Variants in SUGCT observed in about 807,000 individuals in gnomAD.
SUGCT encodes succinyl-CoA:glutarate-CoA transferase, also known as succinyl-CoA:glutarate CoA-transferase.
SUGCT carries 41 observed loss-of-function variants against 55.0 expected under a neutral mutation model. That is an observed-to-expected ratio of 0.74 (90% CI 0.58 to 0.97). SUGCT has a LOEUF of 0.97. Among genes scored for constraint, SUGCT ranks in the 50% least tolerant of loss-of-function variants. The pLI is 0.00. For synonymous variants in SUGCT, 187 were observed against 200.4 expected (o/e 0.93, Z 0.56); for missense variants, 568 against 547.8 (o/e 1.04, Z -0.37).
chr7:40,317,967 C>A (rs2151113773), intron 9 of SUGCT, among the ~76,000 whole-genome samples: 1 of 152,202 alleles, frequency 6.6e-6, no homozygotes, highest in East Asian at 1.9e-4. Context: ...TCCAGTTCTT[C>A]CCCTTTGTCT....
chr7:40,878,813 G>C, the SUGCT span, among the ~76,000 whole-genome samples: 1 of 118,152 alleles, frequency 8.5e-6, no homozygotes, highest in Non-Finnish European at 1.8e-5. Flanking sequence ...TTTTTTTTTT[G>C]AGATGCAGCC....
intron 13 of SUGCT, among the ~76,000 whole-genome samples, 163 bp downstream of exon 13, chr7:40,749,660 G>C (rs1057062238): frequency 2.6e-5 from 4 of 152,180 alleles, no homozygotes; most frequent in Admixed American, 6.5e-5. Flanking sequence ...TCACAAAAAT[G>C]TATGCTGAGA....
the SUGCT span, among the ~76,000 whole-genome samples, chr7:40,929,972 G>A: frequency 6.6e-6 from 1 of 152,164 alleles, no homozygotes; most frequent in Non-Finnish European, 1.5e-5. Flanking sequence ...TGCTTTTGGT[G>A]TTTTAGTCAT....
the SUGCT span, among the ~76,000 whole-genome samples, chr7:41,009,398 A>G: frequency 6.6e-6 from 1 of 152,192 alleles, no homozygotes; most frequent in Non-Finnish European, 1.5e-5. Context: ...AGGTTCCCAA[A>G]TCATAGGCCT....
At chr7:40,951,290 A>G in the SUGCT span, among the ~76,000 whole-genome samples, 361 of 152,112 alleles carry the variant, frequency 2.4e-3, 1 homozygote, top group African/African-American at 8.2e-3. Context: ...GTATTTCTGT[A>G]GGATCGGTGG....
the SUGCT span, among the ~76,000 whole-genome samples, chr7:40,955,857 AAAGGCTTT>A: frequency 2.6e-5 from 4 of 152,160 alleles, no homozygotes; most frequent in Non-Finnish European, 5.9e-5. Context: ...GAATTTTATC[AAAGGCTTT>A]TTCTGCATCT....
chr7:40,179,058 T>C (rs1785056499), intron 1 of SUGCT, among the ~76,000 whole-genome samples: 1 of 152,164 alleles, frequency 6.6e-6, no homozygotes, highest in Non-Finnish European at 1.5e-5. Context: ...TTTTGTGAGC[T>C]GCAGAAAGAA....
chr7:40,767,134 G>T (rs1046656792), intron 13 of SUGCT, among the ~76,000 whole-genome samples: 11 of 152,096 alleles, frequency 7.2e-5, no homozygotes, highest in African/African-American at 2.7e-4. Flanking sequence ...TGCAAAGGAA[G>T]AGAAAAGTCT....
At chr7:40,342,453 G>T (rs2151179899) in intron 9 of SUGCT, among the ~76,000 whole-genome samples, 1 of 152,244 alleles carries the variant, frequency 6.6e-6, no homozygotes, top group South Asian at 2.1e-4. Flanking sequence ...CCCCTGTTTA[G>T]TTCGTATGAT....
intron 12 of SUGCT, among the ~76,000 whole-genome samples, chr7:40,594,529 G>GC (rs1464068161): frequency 1.3e-5 from 2 of 152,018 alleles, no homozygotes; most frequent in Non-Finnish European, 2.9e-5. Context: ...GCTCACTTGG[G>GC]CAAGTTAATT....
At chr7:40,492,401 G>A (rs952777980) in intron 11 of SUGCT, among the ~76,000 whole-genome samples, 4 of 152,086 alleles carry the variant, frequency 2.6e-5, no homozygotes, top group East Asian at 1.9e-4. Flanking sequence ...TCTCATCTAC[G>A]TCAGCCATAC....
At chr7:40,415,334 G>A (rs781095164) in intron 9 of SUGCT, among the ~76,000 whole-genome samples, 3 of 149,490 alleles carry the variant, frequency 2.0e-5, no homozygotes, top group South Asian at 2.1e-4. Flanking sequence ...TGCTATTTTA[G>A]TATTGTCTTC....
intron 8 of SUGCT, among the ~76,000 whole-genome samples, chr7:40,286,821 G>GTTTT (rs1217886249): frequency 0.069 from 1,009 of 14,718 alleles, 20 homozygotes; most frequent in African/African-American, 0.18. Flanking sequence ...GTAACAGGCT[G>GTTTT]TTTTTTGTTT....
At chr7:40,789,521 T>G (rs76787453) in intron 13 of SUGCT, among the ~76,000 whole-genome samples, 2,267 of 152,310 alleles carry the variant, frequency 0.015, 145 homozygotes, top group East Asian at 0.096. Context: ...TATTAATCCA[T>G]TCATCTATTG....
intron 1 of SUGCT, among the ~76,000 whole-genome samples, chr7:40,145,321 A>G (rs1412894169): frequency 1.3e-5 from 2 of 152,222 alleles, no homozygotes; most frequent in African/African-American, 4.8e-5. Flanking sequence ...TTACTTGTAC[A>G]TTATACAACA....
chr7:40,501,262 A>C (rs1312656148), intron 12 of SUGCT, among the ~76,000 whole-genome samples: 1 of 152,146 alleles, frequency 6.6e-6, no homozygotes, highest in Non-Finnish European at 1.5e-5. Context: ...CCCTGGGTGT[A>C]ATATTTTAAG....
intron 13 of SUGCT, among the ~76,000 whole-genome samples, chr7:40,767,848 C>G (rs1788883115): frequency 6.6e-6 from 1 of 152,126 alleles, no homozygotes; most frequent in African/African-American, 2.4e-5. Flanking sequence ...AAAGAAAAAG[C>G]CAAGAACGAG....
chr7:40,618,516 A>T (rs1477337448), intron 12 of SUGCT, among the ~76,000 whole-genome samples: 1 of 152,198 alleles, frequency 6.6e-6, no homozygotes, highest in African/African-American at 2.4e-5. Flanking sequence ...TTGAAAGGAG[A>T]TATTCAGGCT....
intron 12 of SUGCT, among the ~76,000 whole-genome samples, chr7:40,677,316 T>C (rs1471751227): frequency 1.3e-5 from 2 of 152,186 alleles, no homozygotes; most frequent in African/African-American, 4.8e-5. Flanking sequence ...GATAGAACAC[T>C]TAGCTAACAG....
Sources: allele counts gnomAD v4.1 joint callset (sites outside exome capture counted in the v4.1 genomes callset), GRCh38; gene constraint gnomAD v4.1.1; transcripts MANE v1.5; gene names NCBI Gene and HGNC (gene_info 2026-07-23, HGNC 2026-07-21).